Variants in RPS6KA2 observed in about 807,000 individuals in gnomAD.
RPS6KA2 encodes the protein ribosomal protein S6 kinase A2.
A neutral mutation model predicts 91.8 loss-of-function variants in RPS6KA2; 42 were observed. The ratio of observed to expected loss-of-function variants is 0.46; its 90% CI spans 0.36 to 0.59. RPS6KA2 has a LOEUF of 0.59. RPS6KA2 is among the 20% of genes least tolerant of loss of function. The probability of loss-of-function intolerance (pLI) is 0.00; values close to 1 mark genes in which losing one functional copy is unlikely to be tolerated. For missense variants in RPS6KA2, 798 were observed against 978.5 expected (o/e 0.82, Z 2.46); for synonymous variants, 414 against 393.6 (o/e 1.05, Z -0.61).
At chr6:166,455,267 A>G (rs1780062015) in intron 12 of RPS6KA2, among the ~76,000 whole-genome samples, 1 of 152,048 alleles carries the variant, frequency 6.6e-6, no homozygotes, top group Non-Finnish European at 1.5e-5. Flanking sequence ...TATTTTGGGG[A>G]CAACGGTTAT....
intron 11 of RPS6KA2, among the ~76,000 whole-genome samples, chr6:166,467,697 A>G (rs1780595964): frequency 1.3e-5 from 2 of 152,278 alleles, no homozygotes; most frequent in Admixed American, 1.3e-4. Context: ...TGTCCTGACC[A>G]CTTTCGTGTG....
At chr6:166,510,552 CTCATATATATATATATATATATAT>C (rs1390842086) in intron 3 of RPS6KA2, among the ~76,000 whole-genome samples, 195 bp from the exon 4 acceptor site, 26 of 66,524 alleles carry the variant, frequency 3.9e-4, no homozygotes, top group African/African-American at 1.3e-3. Flanking sequence ...CTTTCTCTCT[CTCATATATATATATATATATATAT>C]ATATATATAT....
chr6:166,851,341 C>T (rs892731246), intron 2 of RPS6KA2, among the ~76,000 whole-genome samples: 8 of 152,074 alleles, frequency 5.3e-5, no homozygotes, highest in Admixed American at 2.0e-4. Flanking sequence ...ACAGAGAAAA[C>T]GGAGCTTTCT....
chr6:166,499,786 A>C (rs1231629633), intron 7 of RPS6KA2, among the ~76,000 whole-genome samples: 3 of 152,122 alleles, frequency 2.0e-5, no homozygotes, highest in Admixed American at 2.0e-4. Context: ...GACTTTGAGA[A>C]CAGACTAATA....
At chr6:166,498,708 C>G in intron 7 of RPS6KA2, 58 bp from the exon 8 acceptor site, 1 of 1,595,220 alleles carries the variant, frequency 6.3e-7, no homozygotes, top group Non-Finnish European at 8.5e-7. Flanking sequence ...CGGGGGTCCA[C>G]ACTCAGGCGG....
intron 2 of RPS6KA2, among the ~76,000 whole-genome samples, chr6:166,647,725 A>T (rs1787654050): frequency 6.6e-6 from 1 of 152,144 alleles, no homozygotes; most frequent in South Asian, 2.1e-4. Context: ...GAGGCTTCCT[A>T]TACCCACAGG....
At chr6:166,813,502 G>A (rs1779690425) in intron 2 of RPS6KA2, among the ~76,000 whole-genome samples, 1 of 152,192 alleles carries the variant, frequency 6.6e-6, no homozygotes, top group African/African-American at 2.4e-5. Context: ...TACACAAACT[G>A]GGTGGCTTAA....
intron 1 of RPS6KA2, among the ~76,000 whole-genome samples, chr6:166,598,400 T>C (rs1171852843): frequency 1.3e-5 from 2 of 152,236 alleles, no homozygotes. Context: ...GAGAGGCTTA[T>C]GGATGAATTA....
rs1221143035 is a variant in RPS6KA2, at chr6:166,493,801, G to A, written c.748-3060C>T. Among the ~76,000 whole-genome samples, 1 of 152,222 alleles carries A rather than the reference G, an allele frequency of 6.6e-6. No homozygotes were observed. The highest frequency in any genetic ancestry group is 1.5e-5 in the Non-Finnish European group (1 of 68,020). ...ACAGGCGTCCACTGAGGGAGGCACA[G>A]ATGCTGCTAAACATCCTATGACACA... is the stretch of plus-strand genomic sequence containing the variant. On this transcript the variant is annotated intron_variant, in intron 8 of 20. Coordinates refer to ENST00000265678, the MANE Select transcript of RPS6KA2 (RefSeq NM_021135.6). The surrounding 1 kb of genome is among the most constrained non-coding windows in gnomAD (Gnocchi z 4.7).
intron 2 of RPS6KA2, among the ~76,000 whole-genome samples, chr6:166,707,127 A>C (rs1229223210): frequency 6.6e-6 from 1 of 152,256 alleles, no homozygotes; most frequent in African/African-American, 2.4e-5. Flanking sequence ...TAGCAGGCAA[A>C]GGAAGAGAAA....
chr6:166,606,868 T>C (rs538994476), intron 1 of RPS6KA2, among the ~76,000 whole-genome samples: 1 of 152,222 alleles, frequency 6.6e-6, no homozygotes, highest in South Asian at 2.1e-4. Context: ...CGGCTGGGCA[T>C]GGTGGCTCAC....
chr6:166,702,810 G>A (rs1789564964), intron 2 of RPS6KA2: 2 of 1,071,332 alleles, frequency 1.9e-6, no homozygotes, highest in Non-Finnish European at 2.9e-6. Context: ...CGGCGTTCTC[G>A]CTGAGGTTTC....
chr6:166,701,862 G>T, intron 2 of RPS6KA2: 1 of 912,750 alleles, frequency 1.1e-6, no homozygotes, highest in Non-Finnish European at 1.8e-6. Flanking sequence ...GTGTGTTCTG[G>T]ATTATACTGC....
At chr6:166,757,381 T>C (rs1189456082) in intron 2 of RPS6KA2, 4 of 382,012 alleles carry the variant, frequency 1.0e-5, no homozygotes, top group East Asian at 7.9e-5. Context: ...CTCCGAGACC[T>C]GTGTTCATGA....
At chr6:166,485,436 G>A (rs1441973557) in intron 10 of RPS6KA2, among the ~76,000 whole-genome samples, 2 of 152,180 alleles carry the variant, frequency 1.3e-5, no homozygotes, top group Non-Finnish European at 2.9e-5. Context: ...CCCTGCCAGC[G>A]AGCCCCTGAT....
chr6:166,413,926 G>A lies in RPS6KA2; in HGVS notation c.1944C>T (p.Val648=), dbSNP rs13206520. 3.7e-6 allele frequency: 6 copies of A among 1,613,694 alleles called. No individual in the cohort carries two copies. Among genetic ancestry groups the A allele is most frequent in the Middle Eastern group, 1.6e-4 (1 of 6,062 alleles). The change falls in exon 20 of 21, where the codon GTC becomes GTT. Residue 648 remains valine (V), a synonymous_variant. Coordinates refer to ENST00000265678, the MANE Select transcript of RPS6KA2 (RefSeq NM_021135.6). ...GGTCCACGTGGAGCATCTTGGACAC[G>A]ACGTCCTGCCAGGGAAGGTCATGAG... ...WDSISDAAKD[V]VSKMLHVDPH...
intron 2 of RPS6KA2, among the ~76,000 whole-genome samples, chr6:166,680,348 C>T (rs973697467): frequency 2.6e-5 from 4 of 152,322 alleles, no homozygotes; most frequent in Admixed American, 1.3e-4. Context: ...ATGGACCAAT[C>T]AGCTCTCTGT....
At chr6:166,655,853 A>G (rs1787985380) in intron 2 of RPS6KA2, among the ~76,000 whole-genome samples, 1 of 152,162 alleles carries the variant, frequency 6.6e-6, no homozygotes, top group Non-Finnish European at 1.5e-5. Context: ...CAGCGACTCC[A>G]CCTCAGGACT....
At chr6:166,855,449 AGG>A (rs1780869137) in intron 2 of RPS6KA2, among the ~76,000 whole-genome samples, 1 of 60,292 alleles carries the variant, frequency 1.7e-5, no homozygotes, top group Non-Finnish European at 4.7e-5. Flanking sequence ...GAAGAAGAAG[AGG>A]AAGAAGAAGA....
Sources: allele counts gnomAD v4.1 joint callset (sites outside exome capture counted in the v4.1 genomes callset), GRCh38; gene constraint gnomAD v4.1.1; non-coding constraint Gnocchi (gnomAD v3.1); transcripts MANE v1.5; gene names NCBI Gene and HGNC (gene_info 2026-07-23, HGNC 2026-07-21).